The following MAP4K3 variants were observed in gnomAD, a reference collection of about 807,000 sequenced individuals.
The protein encoded by MAP4K3 is MAPK/ERK kinase kinase kinase 3.
Under a neutral mutation model 143.5 loss-of-function variants are expected in MAP4K3, and 94 were observed. That is an observed-to-expected ratio of 0.65 (90% CI 0.55 to 0.78). MAP4K3 has a LOEUF of 0.78. Among genes scored for constraint, MAP4K3 ranks in the 30% least tolerant of loss-of-function variants. The pLI is 0.00. For synonymous variants in MAP4K3, 416 were observed against 347.2 expected (o/e 1.20, Z -2.20); for missense variants, 1,077 against 1,068.1 (o/e 1.01, Z -0.12).
At chr2:39,378,512 C>T (rs1279917358) in intron 1 of MAP4K3, among the ~76,000 whole-genome samples, 2 of 152,118 alleles carry the variant, frequency 1.3e-5, no homozygotes, top group Admixed American at 6.6e-5. Flanking sequence ...GCCAGTGAGT[C>T]GACAGTGCTG....
chr2:39,280,205 A>G, intron 23 of MAP4K3, 67 bp downstream of exon 23: 1 of 904,506 alleles, frequency 1.1e-6, no homozygotes, highest in Admixed American at 2.7e-5. Flanking sequence ...AAACAAAATC[A>G]CAAATGCTTT....
intron 8 of MAP4K3, among the ~76,000 whole-genome samples, chr2:39,326,661 A>T (rs1683499171): frequency 6.6e-6 from 1 of 152,110 alleles, no homozygotes; most frequent in Admixed American, 6.5e-5. Flanking sequence ...GGGCAGAATG[A>T]TATGGTTTGG....
intron 2 of MAP4K3, among the ~76,000 whole-genome samples, chr2:39,372,704 A>G (rs1363865630): frequency 6.6e-6 from 1 of 152,200 alleles, no homozygotes; most frequent in Non-Finnish European, 1.5e-5. Context: ...AGTCTCTTCA[A>G]TAAGTGGTGC....
At chr2:39,355,469 C>G (rs912645886) in intron 3 of MAP4K3, among the ~76,000 whole-genome samples, 35 of 150,816 alleles carry the variant, frequency 2.3e-4, no homozygotes, top group African/African-American at 8.1e-4. Flanking sequence ...GAGGTCAAGG[C>G]TGCAGTGAGC....
intron 2 of MAP4K3, among the ~76,000 whole-genome samples, chr2:39,364,226 T>C (rs1475997910): frequency 6.6e-6 from 1 of 152,162 alleles, no homozygotes; most frequent in East Asian, 1.9e-4. Flanking sequence ...GGAAGCAGAA[T>C]GGTCATGGCC....
In MAP4K3 at chr2:39,325,970, TCAA is replaced by T. The variant is rs766938827; in HGVS notation, c.663-12_663-10del. The T allele has an allele frequency of 5.7e-6, 9 of 1,584,090 alleles. No individual in the cohort carries two copies. Among genetic ancestry groups the T allele is most frequent in the Non-Finnish European group, 6.9e-6 (8 of 1,158,612 alleles). On this transcript the variant is annotated splice_polypyrimidine_tract_variant and intron_variant, in intron 9 of 33. Coordinates refer to ENST00000263881, the MANE Select transcript of MAP4K3 (RefSeq NM_003618.4). ...TCATTAGAAATAATGCTCTGAAAAATCAACAAATCATTACACAGCATTTTAATA... is the reference window on the plus strand; with the variant it reads ...TCATTAGAAATAATGCTCTGAAAAATCAAATCATTACACAGCATTTTAATA...
chr2:39,311,291 C>T (rs1404621683), intron 13 of MAP4K3, among the ~76,000 whole-genome samples: 1 of 152,114 alleles, frequency 6.6e-6, no homozygotes, highest in Non-Finnish European at 1.5e-5. Flanking sequence ...GTTGGCCAGG[C>T]TGGTCTGGAA....
At chr2:39,262,646 G>T (rs943023016) in intron 28 of MAP4K3, among the ~76,000 whole-genome samples, 4 of 152,136 alleles carry the variant, frequency 2.6e-5, no homozygotes, top group Middle Eastern at 6.8e-3. Context: ...TAACAGAAGG[G>T]GATTCATGTC....
rs549582812 is a variant in MAP4K3, at chr2:39,297,220, C to A, written c.1178+2523G>T. The stretch of plus-strand genomic sequence containing the variant: ...GCAACCACCGCCTCCTGGGTTCAAG[C>A]GATTCCCCTGCCTCAGCCTCCCGAG... On this transcript the variant is annotated intron_variant, in intron 16 of 33. Transcript: ENST00000263881. Among the ~76,000 whole-genome samples, 3 of 151,974 alleles carry A rather than the reference C, an allele frequency of 2.0e-5. No individual in the cohort carries two copies. The South Asian group carries it at 6.2e-4, about 32-fold the overall frequency.
At chr2:39,336,225 A>G (rs898325508) in intron 6 of MAP4K3, among the ~76,000 whole-genome samples, 2 of 152,108 alleles carry the variant, frequency 1.3e-5, no homozygotes, top group African/African-American at 4.8e-5. Context: ...TAATCCTGGC[A>G]CTTTTAGGAG....
Position 39,435,449 on chromosome 2 carries a change from T to C in MAP4K3, c.96+1443A>G, listed in dbSNP as rs192264462. On this transcript the variant is annotated intron_variant, in intron 1 of 33. Coordinates refer to ENST00000263881, the MANE Select transcript of MAP4K3 (RefSeq NM_003618.4). ...GCCTCAGAGCCTTCACATATCATGC[T>C]CCCCTATCTGGCGTAATCCCCTCTC... Among the ~76,000 whole-genome samples, 85 of 152,126 alleles carry C rather than the reference T, an allele frequency of 5.6e-4. 2 individuals are homozygous for C. The highest frequency in any genetic ancestry group is 2.0e-3 in the African/African-American group (82 of 41,506).
intron 24 of MAP4K3, 51 bp downstream of exon 24, chr2:39,278,356 C>G: frequency 1.9e-6 from 2 of 1,080,800 alleles, no homozygotes; most frequent in Non-Finnish European, 2.7e-6. Context: ...CTAATGTGTA[C>G]TTATGGTAAC....
chr2:39,283,605 TA>T (rs767711446), intron 21 of MAP4K3: 24 of 152,234 alleles, frequency 1.6e-4, no homozygotes, highest in Non-Finnish European at 2.4e-4. Flanking sequence ...TGAGTTTTGC[TA>T]AGTGAAGTTC....
At chr2:39,285,736 T>A (rs1681745687) in intron 21 of MAP4K3, among the ~76,000 whole-genome samples, 1 of 152,164 alleles carries the variant, frequency 6.6e-6, no homozygotes, top group Non-Finnish European at 1.5e-5. Flanking sequence ...ACTAGAAATT[T>A]CTATAAAAAT....
At chr2:39,318,128 A>C (rs576936675) in intron 12 of MAP4K3, among the ~76,000 whole-genome samples, 12 of 152,316 alleles carry the variant, frequency 7.9e-5, no homozygotes, top group African/African-American at 2.9e-4. Context: ...CATTATCCTA[A>C]GTAAACTAAC....
intron 2 of MAP4K3, among the ~76,000 whole-genome samples, chr2:39,358,913 G>C (rs756063760): frequency 6.6e-6 from 1 of 152,092 alleles, no homozygotes; most frequent in Non-Finnish European, 1.5e-5. Context: ...GACATGCGTG[G>C]TGACACAACC....
At chr2:39,292,411 A>G (rs964896235) in intron 18 of MAP4K3, among the ~76,000 whole-genome samples, 1 of 152,160 alleles carries the variant, frequency 6.6e-6, no homozygotes, top group Non-Finnish European at 1.5e-5. Context: ...AGAGAGAGAG[A>G]TCACTCTTAC....
intron 1 of MAP4K3, among the ~76,000 whole-genome samples, chr2:39,381,237 C>T (rs1666349201): frequency 6.6e-6 from 1 of 152,318 alleles, no homozygotes; most frequent in South Asian, 2.1e-4. Flanking sequence ...GTGCTATAAA[C>T]ATCAGTGTAC....
intron 32 of MAP4K3, among the ~76,000 whole-genome samples, chr2:39,253,276 G>A (rs1454748251): frequency 6.6e-6 from 1 of 152,188 alleles, no homozygotes; most frequent in Admixed American, 6.5e-5. Flanking sequence ...TGGGACTAGA[G>A]GCACGCGCCA....
Sources: allele counts gnomAD v4.1 joint callset (sites outside exome capture counted in the v4.1 genomes callset), GRCh38; gene constraint gnomAD v4.1.1; transcripts MANE v1.5; gene names NCBI Gene and HGNC (gene_info 2026-07-23, HGNC 2026-07-21).